NEO1: variants seen among roughly 807,000 people sequenced by gnomAD.
NEO1 encodes the protein neogenin 1.
A neutral mutation model predicts 159.7 loss-of-function variants in NEO1; 63 were observed. That is an observed-to-expected ratio of 0.39 (90% CI 0.32 to 0.49). NEO1 has a LOEUF of 0.49. Ranked by LOEUF, NEO1 falls within the 20% of genes least tolerant of loss-of-function variation. The pLI, the probability that NEO1 is intolerant of heterozygous loss-of-function variation, is 0.85. For synonymous variants in NEO1, 633 were observed against 662.0 expected, an observed-to-expected ratio of 0.96 and a Z score of 0.67; for missense variants, 1,615 against 1,831.0, an observed-to-expected ratio of 0.88 and a Z score of 2.15.
intron 1 of NEO1, among the ~76,000 whole-genome samples, chr15:73,108,481 C>T (rs769440547): frequency 6.6e-6 from 1 of 152,090 alleles, no homozygotes; most frequent in Non-Finnish European, 1.5e-5. Flanking sequence ...CATTAAGTAC[C>T]ACTAATACTT....
chr15:73,117,876 C>T (rs2151623611), intron 2 of NEO1, among the ~76,000 whole-genome samples: 1 of 151,946 alleles, frequency 6.6e-6, no homozygotes, highest in Middle Eastern at 3.4e-3. Context: ...TCTCTCCCTC[C>T]TTCCCTTCTA....
chr15:73,072,695 T>C (rs1409715010), intron 1 of NEO1, among the ~76,000 whole-genome samples: 1 of 152,156 alleles, frequency 6.6e-6, no homozygotes, highest in Non-Finnish European at 1.5e-5. Flanking sequence ...AAAAAGTGTG[T>C]GTGTGCTTGC....
At chr15:73,180,164 A>G (rs913299134) in intron 7 of NEO1, among the ~76,000 whole-genome samples, 3 of 152,270 alleles carry the variant, frequency 2.0e-5, no homozygotes, top group Non-Finnish European at 1.5e-5. Flanking sequence ...TTCAAGTCAA[A>G]TACAATCAGG....
intron 7 of NEO1, among the ~76,000 whole-genome samples, chr15:73,203,223 C>G (rs977315255): frequency 6.6e-6 from 1 of 152,172 alleles, no homozygotes; most frequent in African/African-American, 2.4e-5. Context: ...ATGCCCACCA[C>G]TGATGCAGAA....
intron 1 of NEO1, among the ~76,000 whole-genome samples, chr15:73,074,262 C>T (rs745921764): frequency 6.6e-6 from 1 of 152,144 alleles, no homozygotes; most frequent in Admixed American, 6.5e-5. Context: ...TTTCTAAAAA[C>T]GGGTTCTGTC....
intron 7 of NEO1, among the ~76,000 whole-genome samples, chr15:73,183,559 G>A (rs1871387): frequency 0.84 from 127,317 of 152,092 alleles, 55,025 homozygotes; most frequent in Non-Finnish European, 0.94. Flanking sequence ...ACCTAAGACC[G>A]ATACAAATAC....
Position 73,302,811 on chromosome 15 carries a change from C to A in NEO1, c.*115C>A. ...ACAGCACTTGAGAACACAGAATGAG[C>A]CAGCAGACTGGCCAGCGCCTCTGTG... On this transcript the variant is annotated 3_prime_UTR_variant, in exon 29 of 29. Coordinates refer to ENST00000261908, the MANE Select transcript of NEO1 (RefSeq NM_002499.4). The A allele has an allele frequency of 1.1e-6, 1 of 949,220 alleles. No homozygotes were observed. The highest frequency in any genetic ancestry group is 1.6e-6 in the Non-Finnish European group (1 of 615,150). 58.8% of individuals were successfully genotyped at this position (949,220 alleles called of 1,614,324 possible).
intron 1 of NEO1, among the ~76,000 whole-genome samples, chr15:73,055,152 C>T (rs1408541678): frequency 1.3e-5 from 2 of 152,048 alleles, no homozygotes; most frequent in East Asian, 3.9e-4. Context: ...ATCTGGTATT[C>T]TGAAAAAGGG....
chr15:73,184,526 T>A (rs888166702), intron 7 of NEO1, among the ~76,000 whole-genome samples: 5 of 152,206 alleles, frequency 3.3e-5, no homozygotes, highest in Non-Finnish European at 7.3e-5. Flanking sequence ...CCCTCAAATG[T>A]GTTTGTAGCA....
At chr15:73,211,534 G>A (rs2152089347) in intron 7 of NEO1, among the ~76,000 whole-genome samples, 1 of 152,318 alleles carries the variant, frequency 6.6e-6, no homozygotes, top group East Asian at 1.9e-4. Context: ...GGCCAACATG[G>A]TGAAACCCCG....
intron 1 of NEO1, among the ~76,000 whole-genome samples, chr15:73,112,221 A>G (rs2151584840): frequency 6.6e-6 from 1 of 152,150 alleles, no homozygotes; most frequent in Admixed American, 6.5e-5. Context: ...TTGCTGGATA[A>G]TATTCTAAGG....
intron 1 of NEO1, among the ~76,000 whole-genome samples, chr15:73,086,192 T>G (rs996966586): frequency 7.9e-5 from 12 of 152,212 alleles, no homozygotes; most frequent in African/African-American, 2.7e-4. Flanking sequence ...CTATCCTTTT[T>G]CCAGTGAATT....
intron 1 of NEO1, among the ~76,000 whole-genome samples, chr15:73,064,359 ATTAG>A (rs1352577050): frequency 5.3e-5 from 8 of 152,170 alleles, no homozygotes; most frequent in African/African-American, 1.9e-4. Context: ...TTCTATTTAA[ATTAG>A]TTCATATTCT....
At chr15:73,139,306 ACGAAAGCAAAAATAGATAAAT>A (rs2032149621) in intron 5 of NEO1, among the ~76,000 whole-genome samples, 1 of 152,184 alleles carries the variant, frequency 6.6e-6, no homozygotes, top group Non-Finnish European at 1.5e-5. Flanking sequence ...AACACAGGCA[ACGAAAGCAAAAATAGATAAAT>A]TGGATTGCAT....
intron 22 of NEO1, among the ~76,000 whole-genome samples, chr15:73,281,861 A>G (rs979716752): frequency 6.6e-6 from 1 of 152,256 alleles, no homozygotes; most frequent in Non-Finnish European, 1.5e-5. Context: ...GTTTCAAGAA[A>G]TGGAAGACAG....
At chr15:73,241,155 G>A (rs1161522147) in intron 8 of NEO1, among the ~76,000 whole-genome samples, 1 of 152,132 alleles carries the variant, frequency 6.6e-6, no homozygotes, top group Non-Finnish European at 1.5e-5. Flanking sequence ...CTTCCTCTCT[G>A]CCTTTTCAGC....
intron 28 of NEO1, 75 bp from the exon 29 acceptor site, chr15:73,302,538 T>C (rs532238107): frequency 1.4e-5 from 19 of 1,364,932 alleles, no homozygotes; most frequent in Non-Finnish European, 1.6e-5. Context: ...ACATGAGGCT[T>C]TGGCCTCTCT....
intron 7 of NEO1, among the ~76,000 whole-genome samples, chr15:73,195,707 GATAAA>G (rs2036498423): frequency 6.6e-6 from 1 of 152,056 alleles, no homozygotes; most frequent in Admixed American, 6.5e-5. Flanking sequence ...GACCCCAAAT[GATAAA>G]ATAAATTAAG....
intron 1 of NEO1, among the ~76,000 whole-genome samples, chr15:73,082,052 T>G (rs1229784097): frequency 6.6e-6 from 1 of 151,978 alleles, no homozygotes; most frequent in Admixed American, 6.6e-5. Flanking sequence ...TATTGTATTT[T>G]TAGTAGAGAT....
Sources: allele counts gnomAD v4.1 joint callset (sites outside exome capture counted in the v4.1 genomes callset), GRCh38; gene constraint gnomAD v4.1.1; transcripts MANE v1.5; gene names NCBI Gene and HGNC (gene_info 2026-07-23, HGNC 2026-07-21).